Variants in PRKD1 observed in about 807,000 individuals in gnomAD.
PRKD1 encodes serine/threonine-protein kinase D1.
Under a neutral mutation model 95.9 loss-of-function variants are expected in PRKD1, and 63 were observed. The ratio of observed to expected loss-of-function variants is 0.66; its 90% confidence interval spans 0.54 to 0.81. The LOEUF is 0.81. PRKD1 is among the 30% of genes least tolerant of loss of function. The pLI, the probability that PRKD1 is intolerant of heterozygous loss-of-function variation, is 0.00. For synonymous variants in PRKD1, 425 were observed against 423.1 expected (o/e 1.00, Z -0.05); for missense variants, 1,048 against 1,165.3 (o/e 0.90, Z 1.47).
chr14:29,774,446 T>G (rs565214074), intron 1 of PRKD1, among the ~76,000 whole-genome samples: 1 of 152,260 alleles, frequency 6.6e-6, no homozygotes, highest in East Asian at 1.9e-4. Flanking sequence ...GTGCTACCAT[T>G]ACTTGAACAT....
chr14:29,594,546 A>G (rs1328618333), intron 16 of PRKD1, among the ~76,000 whole-genome samples: 2 of 152,208 alleles, frequency 1.3e-5, no homozygotes, highest in African/African-American at 4.8e-5. Context: ...ACTGAAGCCC[A>G]AAGAAGGTAA....
chr14:29,616,122 A>G (rs1051150663), intron 13 of PRKD1, among the ~76,000 whole-genome samples: 2 of 151,660 alleles, frequency 1.3e-5, no homozygotes, highest in East Asian at 3.9e-4. Context: ...AATGGAGGGA[A>G]ACGTTTAGGA....
chr14:29,690,412 C>T (rs1204701300), intron 2 of PRKD1, among the ~76,000 whole-genome samples: 1 of 152,154 alleles, frequency 6.6e-6, no homozygotes, highest in Non-Finnish European at 1.5e-5. Flanking sequence ...TGTCATATTC[C>T]TACACCCAAA....
At chr14:29,630,149 C>T (rs1225822579) in intron 10 of PRKD1, among the ~76,000 whole-genome samples, 1 of 151,838 alleles carries the variant, frequency 6.6e-6, no homozygotes. Context: ...ATTTCTCCTC[C>T]TCCTTCTCCC....
chr14:29,817,674 C>T (rs1424247721), intron 1 of PRKD1, among the ~76,000 whole-genome samples: 1 of 152,100 alleles, frequency 6.6e-6, no homozygotes, highest in Non-Finnish European at 1.5e-5. Flanking sequence ...CGGGAGATCA[C>T]TAGGCTTATA....
At chr14:29,660,919 C>CA (rs904204272) in intron 4 of PRKD1, among the ~76,000 whole-genome samples, 236 of 142,880 alleles carry the variant, frequency 1.7e-3, no homozygotes, top group Admixed American at 2.0e-3. Flanking sequence ...TGATAGTTTA[C>CA]AAAAAAAAAA....
chr14:29,842,487 T>C (rs1407272098), intron 1 of PRKD1, among the ~76,000 whole-genome samples: 1 of 152,214 alleles, frequency 6.6e-6, no homozygotes, highest in East Asian at 1.9e-4. Flanking sequence ...GGAACATCAT[T>C]GTATAGGCAG....
intron 4 of PRKD1, among the ~76,000 whole-genome samples, chr14:29,650,143 G>A (rs1199495583): frequency 4.6e-5 from 7 of 152,060 alleles, no homozygotes; most frequent in South Asian, 2.1e-4. Context: ...AGCCACTCTC[G>A]TGTCCTGTCT....
intron 1 of PRKD1, among the ~76,000 whole-genome samples, chr14:29,823,718 C>T (rs2139274925): frequency 6.6e-6 from 1 of 152,210 alleles, no homozygotes; most frequent in East Asian, 1.9e-4. Context: ...AGGATGAGAC[C>T]ATTATAAGTT....
intron 4 of PRKD1, among the ~76,000 whole-genome samples, chr14:29,646,794 A>G (rs2139163021): frequency 6.6e-6 from 1 of 151,982 alleles, no homozygotes; most frequent in South Asian, 2.1e-4. Flanking sequence ...ACAACACTAC[A>G]TGAATATATT....
rs1303561715 is a variant in PRKD1 at position 29,577,330 on chromosome 14, G to A, written c.2647C>T (p.His883Tyr). The A allele has an allele frequency of 6.2e-7, 1 of 1,613,862 alleles. No homozygotes were observed. The change falls in exon 18 of 18, where the codon CAC becomes TAC. Residue 883 changes from histidine to tyrosine, a missense_variant. His to Tyr is a moderately conservative substitution (Grantham distance 83). Coordinates refer to ENST00000331968, the MANE Select transcript of PRKD1 (RefSeq NM_002742.3). ...TGGCTAGCACTTGGATTGATCAGGT[G>A]TGTGGGGTACTGCAGCCCCTGCTCG... Reference protein sequence around the residue: ...AGEQGLQYPTHLINPSASHSD... With the variant: ...AGEQGLQYPTYLINPSASHSD...
intron 1 of PRKD1, among the ~76,000 whole-genome samples, chr14:29,732,045 G>T (rs565065768): frequency 6.6e-6 from 1 of 151,902 alleles, no homozygotes; most frequent in African/African-American, 2.4e-5. Flanking sequence ...GCTAATTTTT[G>T]TATTTTTAGT....
At chr14:29,760,797 C>T (rs140342546) in intron 1 of PRKD1, among the ~76,000 whole-genome samples, 9 of 152,330 alleles carry the variant, frequency 5.9e-5, no homozygotes, top group African/African-American at 2.2e-4. Flanking sequence ...CTTTTAAACA[C>T]ATTTGCCTTG....
chr14:29,634,270 C>T, intron 8 of PRKD1, 148 bp downstream of exon 8: 1 of 1,194,126 alleles, frequency 8.4e-7, no homozygotes, highest in Non-Finnish European at 1.2e-6. Flanking sequence ...CACCCAGAGA[C>T]TGTAATGCAC....
chr14:29,676,471 C>G (rs1251794334), intron 2 of PRKD1, among the ~76,000 whole-genome samples: 2 of 152,132 alleles, frequency 1.3e-5, no homozygotes, highest in Admixed American at 6.5e-5. Context: ...TCTCCCGCCT[C>G]AGCGTCCCGA....
intron 2 of PRKD1, among the ~76,000 whole-genome samples, chr14:29,696,050 C>A (rs149635305): frequency 5.3e-5 from 8 of 152,288 alleles, no homozygotes; most frequent in Non-Finnish European, 1.2e-4. Flanking sequence ...TTACATTAGT[C>A]TTCTTTTGCA....
intron 1 of PRKD1, among the ~76,000 whole-genome samples, chr14:29,772,240 A>G (rs1395824306): frequency 6.6e-6 from 1 of 152,172 alleles, no homozygotes; most frequent in East Asian, 1.9e-4. Flanking sequence ...TAAAATTCAT[A>G]TGTTGAAACC....
intron 16 of PRKD1, among the ~76,000 whole-genome samples, chr14:29,586,553 T>A (rs899416307): frequency 6.6e-6 from 1 of 152,118 alleles, no homozygotes; most frequent in South Asian, 2.1e-4. Context: ...GTATTTCTTA[T>A]CCCCAAATCA....
At chr14:29,724,440 G>A (rs1422157614) in intron 2 of PRKD1, among the ~76,000 whole-genome samples, 2 of 152,100 alleles carry the variant, frequency 1.3e-5, no homozygotes, top group Non-Finnish European at 1.5e-5. Flanking sequence ...GTTTTGAGAG[G>A]TCAGGTGCAG....
Sources: gnomAD v4.1 joint callset for allele counts (sites outside exome capture counted in the v4.1 genomes callset) on GRCh38, gnomAD v4.1.1 for gene constraint, MANE v1.5 for transcripts, NCBI Gene and HGNC (gene_info 2026-07-23, HGNC 2026-07-21) for gene names.